LRRC19: variants seen among roughly 807,000 people sequenced by gnomAD.
The protein encoded by LRRC19 is leucine-rich repeat-containing protein 19.
In LRRC19, 33 loss-of-function variants were observed where a neutral mutation model predicts 33.3. The observed-to-expected ratio is 0.99, with a 90% CI of 0.75 to 1.33. LRRC19 has a LOEUF of 1.33. Ranked by LOEUF, LRRC19 falls within the 40% of genes most tolerant of loss-of-function variation. The probability of loss-of-function intolerance (pLI) is 0.00; values close to 1 mark genes in which losing one functional copy is unlikely to be tolerated. For synonymous variants in LRRC19, 184 were observed against 152.3 expected, an observed-to-expected ratio of 1.21 and a Z score of -1.53; for missense variants, 463 against 417.3, an observed-to-expected ratio of 1.11 and a Z score of -0.95.
chr9:26,997,674 T>G, intron 3 of LRRC19, 54 bp downstream of exon 3: 1 of 1,516,566 alleles, frequency 6.6e-7, no homozygotes, highest in Non-Finnish European at 8.8e-7. Context: ...GATTTTTCTG[T>G]GGTGGAACAT....
At chr9:26,997,626 G>C in intron 3 of LRRC19, 102 bp downstream of exon 3, 2 of 1,257,078 alleles carry the variant, frequency 1.6e-6, no homozygotes, top group African/African-American at 3.0e-5. Context: ...GAGCCACTGC[G>C]CCTGGCTGCT....
chr9:26,997,774 A>G lies in LRRC19; in HGVS notation c.549T>C (p.Ser183=), dbSNP rs146564077. The change falls in exon 3 of 5, where the codon AGT becomes AGC. Residue 183 remains serine, a synonymous_variant. Transcript: ENST00000380055. ...LYGNLWNCSC[S]LFNLQNWLNT... ...TCAACCAGTTCTGCAAATTAAATAG[A>G]CTGCAAGAGCAGTTCCATAGGTTTC... The G allele has an allele frequency of 1.6e-5, 26 of 1,611,582 alleles. No homozygotes were observed. In the African/African-American group the frequency reaches 1.9e-4, roughly 12 times the overall value.
chr9:26,999,977 C>T (rs929972970), intron 1 of LRRC19, among the ~76,000 whole-genome samples: 8 of 152,036 alleles, frequency 5.3e-5, no homozygotes, highest in African/African-American at 1.9e-4. Context: ...CCATGTGTTA[C>T]TCAGCCTGGT....
chr9:26,995,833 T>C lies in LRRC19; in HGVS notation c.801A>G (p.Gly267=). The C allele has an allele frequency of 6.2e-7, 1 of 1,603,228 alleles. No individual in the cohort carries two copies. Among genetic ancestry groups the C allele is most frequent in the Middle Eastern group, 1.7e-4 (1 of 5,982 alleles). ...LTRNSEHEPL[G]KSWAFLVGVV... ...CACCAACAAGAAAAGCCCAACTTTT[T>C]CCAAGAGGTTCATGTTCTTTAATGG... The change falls in exon 5 of 5, where the codon GGA becomes GGG. Residue 267 remains glycine (G), a synonymous_variant. Transcript: ENST00000380055.
intron 4 of LRRC19, 127 bp downstream of exon 4, chr9:26,996,184 A>G: frequency 1.6e-6 from 1 of 643,630 alleles, no homozygotes; most frequent in Non-Finnish European, 2.4e-6. Flanking sequence ...AATATTTTGT[A>G]AATCTTTAGT....
intron 3 of LRRC19, 83 bp from the exon 4 acceptor site, chr9:26,996,582 T>G: frequency 1.0e-6 from 1 of 997,466 alleles, no homozygotes; most frequent in Non-Finnish European, 1.3e-6. Context: ...CTAGAATTTT[T>G]GACATATTTG....
intron 1 of LRRC19, among the ~76,000 whole-genome samples, chr9:27,002,369 G>A (rs915235938): frequency 6.6e-6 from 1 of 152,216 alleles, no homozygotes; most frequent in Non-Finnish European, 1.5e-5. Flanking sequence ...GTGAAGGTGG[G>A]CTGAGTCCGA....
At position 26,995,401 on chromosome 9, in the gene LRRC19, G is replaced by A. The variant is rs1689531262; in HGVS notation, c.*120C>T. ...AAGAACATAATTTTATGATATTCAT[G>A]TATGTTGTCATTAATATGAATGCCT... On this transcript the variant is annotated 3_prime_UTR_variant, in exon 5 of 5. Coordinates refer to ENST00000380055, the MANE Select transcript of LRRC19 (RefSeq NM_022901.3). 3.2e-6 allele frequency: 2 copies of A among 626,776 alleles called. No individual in the cohort carries two copies. The highest frequency in any genetic ancestry group is 5.6e-6 in the Non-Finnish European group (2 of 359,972). 38.8% of individuals were successfully genotyped at this position (626,776 alleles called of 1,614,324 possible).
rs185714225 is a variant in LRRC19 at position 27,000,506 on chromosome 9, T to C, written c.-9-803A>G. Among the ~76,000 whole-genome samples, 197 of 152,322 alleles carry C rather than the reference T, an allele frequency of 1.3e-3. 1 individual carries two copies. The highest frequency in any genetic ancestry group is 5.6e-3 in the South Asian group (27 of 4,824). ...CCCCCCATGGTAACTTTTAAAAATT[T>C]TATTGAGGCGTGGTAGATATACATA... is the stretch of plus-strand genomic sequence containing the variant. On this transcript the variant is annotated intron_variant, in intron 1 of 4. Transcript: ENST00000380055.
In LRRC19 at chr9:26,996,627, T is replaced by C. The variant is rs141607273; in HGVS notation, c.596-128A>G. On this transcript the variant is annotated intron_variant, in intron 3 of 4. Transcript: ENST00000380055. The stretch of plus-strand genomic sequence containing the variant: ...AAGGCATTATAAGAAATTCCTGTTG[T>C]ATTTGTCTAGCAACATAATGAAAGA... 1.4e-3 allele frequency: 776 copies of C among 549,574 alleles called. 2 individuals are homozygous for C. The highest frequency in any genetic ancestry group is 0.014 in the African/African-American group (701 of 51,710). The allele number at this position is 549,574 out of a possible 1,614,324, so 34.0% of individuals were successfully genotyped here.
rs761268404 is a variant in LRRC19, at chr9:26,995,758, T to C, written c.876A>G (p.Lys292=). ...TTSLLIFIAI[K]CPIWYNILLS... Reference sequence around the variant, plus strand: ...GCAGAATATTGTACCATATTGGGCATTTGATAGCAATAAAAATGAGAAGTG... The same window carrying C: ...GCAGAATATTGTACCATATTGGGCACTTGATAGCAATAAAAATGAGAAGTG... The change falls in exon 5 of 5, where the codon AAA becomes AAG. Residue 292 remains lysine, a synonymous_variant. Coordinates refer to ENST00000380055, the MANE Select transcript of LRRC19 (RefSeq NM_022901.3). The C allele has an allele frequency of 6.2e-7, 1 of 1,613,894 alleles. No individual in the cohort carries two copies.
Position 26,996,464 on chromosome 9 carries a change from T to C in LRRC19, c.631A>G (p.Ser211Gly). 4 of 1,537,308 alleles carry C rather than the reference T, an allele frequency of 2.6e-6. No homozygotes were observed. The highest frequency in any genetic ancestry group is 3.5e-6 in the Non-Finnish European group (4 of 1,134,366). ...GTTTTGATATTGTAGCTCTGCAGGC[T>C]GTTGGGGTAGCTACACATGGTGATG... The part of the protein sequence containing the change: ...ENITMCSYPN[S>G]LQSYNIKTVP... Residue 211 changes from serine (S) to glycine (G), a missense_variant, in exon 4 of 5, where the codon AGC (serine) becomes GGC (glycine). Physicochemically the swap from Ser to Gly is moderately conservative, Grantham distance 56 (BLOSUM62 0). Transcript: ENST00000380055.
At chr9:26,998,456 G>C (rs745553577) in intron 2 of LRRC19, among the ~76,000 whole-genome samples, 2 of 152,074 alleles carry the variant, frequency 1.3e-5, no homozygotes, top group Non-Finnish European at 2.9e-5. Context: ...ATTGAACAAA[G>C]AGATTCCAAT....
chr9:26,996,493 T>G lies in LRRC19; in HGVS notation c.602A>C (p.Glu201Ala), dbSNP rs1828165589. Residue 201 changes from glutamate to alanine, a missense_variant, in exon 4 of 5, where the codon GAG becomes GCG. Physicochemically the swap from Glu to Ala is moderately radical, Grantham distance 107. Transcript: ENST00000380055. ...LNTSNVTLEN[E>A]NITMCSYPNS... ...GGGGTAGCTACACATGGTGATGTTCTCATTTTCTAGTAAATCAGAAAGAAT... is the reference window on the plus strand; with the variant it reads ...GGGGTAGCTACACATGGTGATGTTCGCATTTTCTAGTAAATCAGAAAGAAT... 7.0e-7 allele frequency: 1 copy of G among 1,436,672 alleles called. No individual in the cohort carries two copies. The highest frequency in any genetic ancestry group is 9.2e-7 in the Non-Finnish European group (1 of 1,081,914). 89.0% of individuals were successfully genotyped at this position (1,436,672 alleles called of 1,614,324 possible).
chr9:27,001,247 A>C (rs533965330), intron 1 of LRRC19, among the ~76,000 whole-genome samples: 1 of 152,212 alleles, frequency 6.6e-6, no homozygotes, highest in East Asian at 1.9e-4. Flanking sequence ...TGCTCTTGTG[A>C]ATAGTCCTCC....
chr9:27,002,186 C>A (rs1173113871), intron 1 of LRRC19, among the ~76,000 whole-genome samples: 2 of 152,154 alleles, frequency 1.3e-5, no homozygotes, highest in Admixed American at 6.5e-5. Context: ...GGCTGGAGTG[C>A]AGTGATGCCA....
At position 26,995,742 on chromosome 9, in the gene LRRC19, T is replaced by G. The variant is rs780866503; in HGVS notation, c.892A>C (p.Asn298His). 8 of 1,613,892 alleles carry G rather than the reference T, an allele frequency of 5.0e-6. No individual in the cohort carries two copies. Among genetic ancestry groups the G allele is most frequent in the Non-Finnish European group, 6.8e-6 (8 of 1,179,872 alleles). The change falls in exon 5 of 5, where the codon AAT (asparagine) becomes CAT (histidine). Residue 298 changes from asparagine to histidine, a missense_variant. Physicochemically the swap from Asn to His is moderately conservative, Grantham distance 68 (BLOSUM62 1). Transcript: ENST00000380055. ...FIAIKCPIWY[N>H]ILLSYNHHRL... ...TGATGATTATAACTAAGCAGAATAT[T>G]GTACCATATTGGGCATTTGATAGCA...
rs1423394085 is a variant in LRRC19 at position 26,993,894 on chromosome 9, A to C, written c.*1627T>G. 1 of 152,212 alleles carries C rather than the reference A, an allele frequency of 6.6e-6. No homozygotes were observed. The highest frequency in any genetic ancestry group is 6.5e-5 in the Admixed American group (1 of 15,278). The allele number at this position is 152,212 out of a possible 1,614,324, so 9.4% of individuals were successfully genotyped here. On this transcript the variant is annotated 3_prime_UTR_variant, in exon 5 of 5. Transcript: ENST00000380055. ...ATATTTCATTATTTCAGAGATATAC[A>C]TATTTGTAAAAGATGTAAATTCTTA...
chr9:26,999,545 A>T (rs1828360793), intron 2 of LRRC19, 69 bp downstream of exon 2: 2 of 1,210,242 alleles, frequency 1.7e-6, no homozygotes, highest in East Asian at 2.5e-5. Flanking sequence ...TTGCCCTTTT[A>T]TATTTTACTA....
Sources: allele counts gnomAD v4.1 joint callset (sites outside exome capture counted in the v4.1 genomes callset), GRCh38; gene constraint gnomAD v4.1.1; transcripts MANE v1.5; gene names NCBI Gene and HGNC (gene_info 2026-07-23, HGNC 2026-07-21).